The following SLPI variants were observed in gnomAD, a reference collection of about 807,000 sequenced individuals.
SLPI encodes the protein secretory leukocyte peptidase inhibitor.
In SLPI, 20 loss-of-function variants were observed where a neutral mutation model predicts 14.3. The observed-to-expected ratio is 1.40, with a 90% CI of 0.99 to 2.04. SLPI has a LOEUF of 2.04. SLPI is among the 30% of genes most tolerant of loss of function. SLPI has a pLI of 0.00. For missense variants in SLPI, 169 were observed against 159.4 expected, an observed-to-expected ratio of 1.06 and a Z score of -0.32; for synonymous variants, 68 against 54.8, an observed-to-expected ratio of 1.24 and a Z score of -1.07.
intron 2 of SLPI, 102 bp downstream of exon 2, chr20:45,253,473 G>T (rs1047810123): frequency 1.8e-6 from 2 of 1,135,526 alleles, no homozygotes; most frequent in East Asian, 2.5e-5. Context: ...ACTCACTGAC[G>T]GATTGACAAG....
At chr20:45,254,202 A>C (rs920137930) in intron 1 of SLPI, among the ~76,000 whole-genome samples, 3 of 103,050 alleles carry the variant, frequency 2.9e-5, no homozygotes, top group Non-Finnish European at 6.7e-5. Flanking sequence ...GGAGTATGAG[A>C]GAGAGAGAGA....
At position 45,253,006 on chromosome 20, in the gene SLPI, C is replaced by G. The variant is rs760044584; in HGVS notation, c.390G>C (p.Val130=). 6.2e-7 allele frequency: 1 copy of G among 1,613,866 alleles called. No individual in the cohort carries two copies. The highest frequency in any genetic ancestry group is 2.2e-5 in the East Asian group (1 of 44,878). ...GMCGKSCVSP[V]KA is the part of the protein sequence containing the mutation. ...GTGCCCTCATCCCCTGCTTACCTTT[C>G]ACAGGGGAAACGCAGGATTTCCCAC... Residue 130 remains valine (V), a synonymous_variant, in exon 3 of 4, where the codon GTG becomes GTC. Coordinates refer to ENST00000338380, the MANE Select transcript of SLPI (RefSeq NM_003064.4).
At chr20:45,253,773 T>A (rs996028497) in intron 1 of SLPI, 40 bp from the exon 2 acceptor site, 1 of 1,593,786 alleles carries the variant, frequency 6.3e-7, no homozygotes, top group Non-Finnish European at 8.6e-7. Context: ...GGAGGCTGGG[T>A]ACTGAGGACC....
intron 3 of SLPI, 64 bp from the exon 4 acceptor site, chr20:45,252,483 C>T: frequency 6.4e-7 from 1 of 1,563,062 alleles, no homozygotes. Flanking sequence ...CCACATCCTT[C>T]CTCCTGCCCA....
chr20:45,252,626 ACTGATCCTTTG>A (rs1984693867), intron 3 of SLPI, among the ~76,000 whole-genome samples: 1 of 152,252 alleles, frequency 6.6e-6, no homozygotes, highest in Non-Finnish European at 1.5e-5. Flanking sequence ...CTCAAACTCC[ACTGATCCTTTG>A]TGATTTCACC....
At chr20:45,253,250 G>T in intron 2 of SLPI, 99 bp from the exon 3 acceptor site, 1 of 1,426,154 alleles carries the variant, frequency 7.0e-7, no homozygotes, top group South Asian at 1.3e-5. Flanking sequence ...CTTCAGCAGG[G>T]GGGATCATCC....
At position 45,254,475 on chromosome 20, in the gene SLPI, C is replaced by A. The variant is rs776018197; in HGVS notation, c.69G>T (p.Val23=). ...LALGTLAPWA[V]EGSGKSFKAG... ...CCAACTTACACTTTCCAGAGCCTTCCACAGCCCAAGGTGCCAGAGTTCCCA... is the reference window on the plus strand; with the variant it reads ...CCAACTTACACTTTCCAGAGCCTTCAACAGCCCAAGGTGCCAGAGTTCCCA... Residue 23 remains valine (V), a synonymous_variant, in exon 1 of 4, where the codon GTG becomes GTT. Coordinates refer to ENST00000338380, the MANE Select transcript of SLPI (RefSeq NM_003064.4). 2.4e-5 allele frequency: 38 copies of A among 1,614,034 alleles called. No individual in the cohort carries two copies. The highest frequency in any genetic ancestry group is 2.9e-5 in the Non-Finnish European group (34 of 1,180,012).
Position 45,253,066 on chromosome 20 carries a change from C to T in SLPI, c.330G>A (p.Gln110=). 1 of 1,614,230 alleles carries T rather than the reference C, an allele frequency of 6.2e-7. No homozygotes were observed. Residue 110 remains glutamine (Q), a synonymous_variant, in exon 3 of 4, where the codon CAG becomes CAA. Coordinates refer to ENST00000338380, the MANE Select transcript of SLPI (RefSeq NM_003064.4). ...TGCAACACTTCAAGTCACGCTTGCA[C>T]TGGCCATCCATCTCACAGAAATTGG... The part of the protein sequence containing the change: ...NPPNFCEMDG[Q]CKRDLKCCMG...
At position 45,253,783 on chromosome 20, in the gene SLPI, C is replaced by A. The variant is rs114068414; in HGVS notation, c.86-50G>T. The A allele has an allele frequency of 5.5e-4, 852 of 1,557,618 alleles. 3 individuals carry two copies. In the African/African-American group the frequency reaches 9.7e-3, roughly 18 times the overall value. ...CAGGAGGAGGCTGGGTACTGAGGAC[C>A]CATCATGCCTCCTGAACAAAGCACC... On this transcript the variant is annotated intron_variant, in intron 1 of 3. Transcript: ENST00000338380.
chr20:45,252,848 C>A (rs945630975), intron 3 of SLPI, among the ~76,000 whole-genome samples, 154 bp downstream of exon 3: 7 of 152,090 alleles, frequency 4.6e-5, no homozygotes, highest in Admixed American at 1.3e-4. Flanking sequence ...GGCCCTGAGA[C>A]CTGGAGAACA....
At position 45,254,516 on chromosome 20, in the gene SLPI, G is replaced by A. The variant is rs976897471; in HGVS notation, c.28C>T (p.Leu10=). 2.4e-5 allele frequency: 38 copies of A among 1,614,158 alleles called. No individual in the cohort carries two copies. The highest frequency in any genetic ancestry group is 3.1e-5 in the Non-Finnish European group (37 of 1,180,016). ...AGAGTTCCCAGGGCAAGCAGCACCA[G>A]GAAGGGGAAGAGGCCGCTGGACTTC... MKSSGLFPF[L]VLLALGTLAP... The change falls in exon 1 of 4, where the codon CTG becomes TTG. Residue 10 remains leucine (L), a synonymous_variant. Transcript: ENST00000338380.
chr20:45,252,252 A>G lies in SLPI; in HGVS notation c.*163T>C. Reference sequence around the variant, plus strand: ...AGAAGCAGGATGTGCAAAGAGAAATAGGCTCGTTTATTTATTCATTGATCA... The same window carrying G: ...AGAAGCAGGATGTGCAAAGAGAAATGGGCTCGTTTATTTATTCATTGATCA... On this transcript the variant is annotated 3_prime_UTR_variant, in exon 4 of 4. Coordinates refer to ENST00000338380, the MANE Select transcript of SLPI (RefSeq NM_003064.4). The G allele has an allele frequency of 1.6e-6, 1 of 608,018 alleles. No individual in the cohort carries two copies. Among genetic ancestry groups the G allele is most frequent in the Non-Finnish European group, 2.9e-6 (1 of 349,370 alleles). 37.7% of individuals were successfully genotyped at this position (608,018 alleles called of 1,614,324 possible).
At position 45,253,690 on chromosome 20, in the gene SLPI, G is replaced by A; in HGVS notation, c.129C>T (p.Cys43=). 1 of 1,614,126 alleles carries A rather than the reference G, an allele frequency of 6.2e-7. No individual in the cohort carries two copies. Among genetic ancestry groups the A allele is most frequent in the Non-Finnish European group, 8.5e-7 (1 of 1,179,966 alleles). ...GVCPPKKSAQ[C]LRYKKPECQS... is the part of the protein sequence containing the mutation. ...GGCACTCAGGTTTCTTGTATCTAAGGCACTGGGCAGATTTCTTAGGAGGAC... is the reference window on the plus strand; with the variant it reads ...GGCACTCAGGTTTCTTGTATCTAAGACACTGGGCAGATTTCTTAGGAGGAC... Residue 43 remains cysteine (C), a synonymous_variant, in exon 2 of 4, where the codon TGC becomes TGT. Coordinates refer to ENST00000338380, the MANE Select transcript of SLPI (RefSeq NM_003064.4).
At position 45,253,722 on chromosome 20, in the gene SLPI, C is replaced by A; in HGVS notation, c.97G>T (p.Gly33Ter). Residue 33 changes from glycine (G) to a stop codon, truncating the protein, a stop_gained, in exon 2 of 4, where the codon GGA (glycine) becomes TGA (stop). Transcript: ENST00000338380. LOFTEE classifies it high-confidence loss of function. ...GCAGATTTCTTAGGAGGACAGACTCCAGCTTTGAAGGCTTTTGAAGAGAAA... is the reference window on the plus strand; with the variant it reads ...GCAGATTTCTTAGGAGGACAGACTCAAGCTTTGAAGGCTTTTGAAGAGAAA... The part of the protein sequence containing the change: ...VEGSGKSFKA[G>*]VCPPKKSAQC... 1 of 1,613,876 alleles carries A rather than the reference C, an allele frequency of 6.2e-7. No homozygotes were observed. Among genetic ancestry groups the A allele is most frequent in the Non-Finnish European group, 8.5e-7 (1 of 1,179,906 alleles).
At position 45,253,017 on chromosome 20, in the gene SLPI, C is replaced by T. The variant is rs536988897; in HGVS notation, c.379G>A (p.Val127Ile). Reference sequence around the variant, plus strand: ...CCCTGCTTACCTTTCACAGGGGAAACGCAGGATTTCCCACACATGCCCATG... The same window carrying T: ...CCCTGCTTACCTTTCACAGGGGAAATGCAGGATTTCCCACACATGCCCATG... ...CCMGMCGKSCVSPVKA is the reference protein window; with the variant it reads ...CCMGMCGKSCISPVKA Residue 127 changes from valine to isoleucine, a missense_variant, in exon 3 of 4, where the codon GTT becomes ATT. Val to Ile is a conservative substitution (Grantham distance 29). Transcript: ENST00000338380. 1.6e-5 allele frequency: 26 copies of T among 1,613,942 alleles called. No individual in the cohort carries two copies. Among genetic ancestry groups the T allele is most frequent in the South Asian group, 8.8e-5 (8 of 91,062 alleles).
At position 45,252,404 on chromosome 20, in the gene SLPI, T is replaced by G. The variant is rs370530861; in HGVS notation, c.*11A>C. The G allele has an allele frequency of 4.3e-6, 7 of 1,613,714 alleles. No homozygotes were observed. The highest frequency in any genetic ancestry group is 5.9e-6 in the Non-Finnish European group (7 of 1,179,932). On this transcript the variant is annotated 3_prime_UTR_variant, in exon 4 of 4. Transcript: ENST00000338380. ...GAGCAGGACTCCAGAGCCTCCTCCA[T>G]ATGGCAGGAATCAAGCTGTGAGAGA...
rs758632282 is a variant in SLPI, at chr20:45,253,665, G to A, written c.154C>T (p.Gln52Ter). Residue 52 changes from glutamine to a stop codon, truncating the protein, a stop_gained, in exon 2 of 4, where the codon CAG becomes TAG. Transcript: ENST00000338380. LOFTEE classifies it high-confidence loss of function. ...TTCCCTGGACACTGCCAGTCACTCT[G>A]GCACTCAGGTTTCTTGTATCTAAGG... ...QCLRYKKPEC[Q>*]SDWQCPGKKR... 3 of 1,613,972 alleles carry A rather than the reference G, an allele frequency of 1.9e-6. No individual in the cohort carries two copies. Among genetic ancestry groups the A allele is most frequent in the Non-Finnish European group, 2.5e-6 (3 of 1,179,940 alleles).
intron 3 of SLPI, 47 bp from the exon 4 acceptor site, chr20:45,252,466 A>C: frequency 6.2e-7 from 1 of 1,608,276 alleles, no homozygotes; most frequent in Non-Finnish European, 8.5e-7. Flanking sequence ...AACCAGCCAA[A>C]TCATATCCAC....
intron 3 of SLPI, 52 bp downstream of exon 3, chr20:45,252,950 T>C: frequency 6.3e-7 from 1 of 1,590,034 alleles, no homozygotes; most frequent in Non-Finnish European, 8.6e-7. Flanking sequence ...CTCCAGAGGG[T>C]TGAGGCTGAG....
Sources: allele counts gnomAD v4.1 joint callset (sites outside exome capture counted in the v4.1 genomes callset), GRCh38; gene constraint gnomAD v4.1.1; transcripts MANE v1.5; gene names NCBI Gene and HGNC (gene_info 2026-07-23, HGNC 2026-07-21).